SAAL1: variants seen among roughly 807,000 people sequenced by gnomAD.
SAAL1 encodes the protein serum amyloid A like 1.
In SAAL1, 42 loss-of-function variants were observed where a neutral mutation model predicts 59.8. That is an observed-to-expected ratio of 0.70 (90% CI 0.55 to 0.91). The LOEUF (loss-of-function observed/expected upper bound fraction) is 0.91, where lower values mean the gene tolerates loss of function less well. Ranked by LOEUF, SAAL1 falls within the 40% of genes least tolerant of loss-of-function variation. The pLI is 0.00. For missense variants in SAAL1, 542 were observed against 561.1 expected (o/e 0.97, Z 0.34); for synonymous variants, 191 against 194.3 (o/e 0.98, Z 0.14).
chr11:18,098,725 A>G (rs1188747941), intron 2 of SAAL1, among the ~76,000 whole-genome samples: 1 of 152,256 alleles, frequency 6.6e-6, no homozygotes, highest in African/African-American at 2.4e-5. Context: ...GATACACTCT[A>G]AACTGAAAGT....
At chr11:18,094,915 G>A (rs1010064540) in intron 3 of SAAL1, among the ~76,000 whole-genome samples, 1 of 152,110 alleles carries the variant, frequency 6.6e-6, no homozygotes, top group Non-Finnish European at 1.5e-5. Flanking sequence ...AATCACCTGG[G>A]GAACTTTAAA....
intron 9 of SAAL1, among the ~76,000 whole-genome samples, chr11:18,084,803 CT>C (rs1416834261): frequency 6.6e-6 from 1 of 152,096 alleles, no homozygotes; most frequent in East Asian, 1.9e-4. Flanking sequence ...TATTGCTCTG[CT>C]GCCCAGGCTG....
chr11:18,084,142 G>C (rs1848438102), intron 9 of SAAL1, among the ~76,000 whole-genome samples: 1 of 152,182 alleles, frequency 6.6e-6, no homozygotes. Context: ...TTCGAGACCA[G>C]CCTGAGCAAT....
chr11:18,088,882 G>T (rs984110483), intron 7 of SAAL1, among the ~76,000 whole-genome samples: 2 of 152,176 alleles, frequency 1.3e-5, no homozygotes, highest in African/African-American at 4.8e-5. Context: ...CTAGTGATTA[G>T]CAATAAACAG....
chr11:18,105,236 C>G (rs1229832713), intron 1 of SAAL1, among the ~76,000 whole-genome samples: 8 of 151,760 alleles, frequency 5.3e-5, no homozygotes, highest in Admixed American at 4.6e-4. Context: ...GAAGCTGGAT[C>G]ATAGCTCACT....
In SAAL1 at chr11:18,106,048, G is replaced by C. The variant is rs201408693; in HGVS notation, c.-7C>G. On this transcript the variant is annotated 5_prime_UTR_variant, in exon 1 of 12. Transcript: ENST00000524803. The stretch of plus-strand genomic sequence containing the variant: ...GCGAGGGGTTGCGGTCCATGACTTT[G>C]TCGCGTCCCGCGCTTGAAGGCCGTG... 3 of 1,597,616 alleles carry C rather than the reference G, an allele frequency of 1.9e-6. No individual in the cohort carries two copies. Among genetic ancestry groups the C allele is most frequent in the Admixed American group, 1.7e-5 (1 of 58,864 alleles).
At chr11:18,083,776 G>T in intron 9 of SAAL1, 45 bp from the exon 10 acceptor site, 1 of 1,347,516 alleles carries the variant, frequency 7.4e-7, no homozygotes, top group Non-Finnish European at 1.0e-6. Context: ...AGTTAAGTTT[G>T]GTTTTTCATT....
chr11:18,096,775 A>C lies in SAAL1; in HGVS notation c.329T>G (p.Leu110Ter). The C allele has an allele frequency of 6.6e-7, 1 of 1,504,024 alleles. No individual in the cohort carries two copies. The highest frequency in any genetic ancestry group is 9.3e-7 in the Non-Finnish European group (1 of 1,081,008). The allele number at this position is 1,504,024 out of a possible 1,614,324, so 93.2% of individuals were successfully genotyped here. ...TTTAGAAATGTACATACTTACTCTT[A>C]ATCGAGGACACTTGGACTTGGCCAG... The part of the protein sequence containing the change: ...GVLAKSKCPR[L>*]REICVGILGN... The change falls in exon 3 of 12, where the codon TTA becomes TGA. Residue 110 changes from leucine to a stop codon, truncating the protein, a stop_gained. Transcript: ENST00000524803. LOFTEE classifies it high-confidence loss of function.
At chr11:18,087,606 G>A (rs113471758) in intron 7 of SAAL1, among the ~76,000 whole-genome samples, 179 of 152,264 alleles carry the variant, frequency 1.2e-3, no homozygotes, top group African/African-American at 3.9e-3. Flanking sequence ...GCTGCATCAC[G>A]CATCAACAAT....
intron 3 of SAAL1, 136 bp downstream of exon 3, chr11:18,096,635 G>A (rs1848579654): frequency 6.3e-6 from 4 of 633,332 alleles, no homozygotes; most frequent in African/African-American, 1.9e-5. Flanking sequence ...ACCTGGCAAT[G>A]TTCAATTAAC....
At chr11:18,093,797 AGAG>A (rs1196559204) in intron 3 of SAAL1, 2 of 152,238 alleles carry the variant, frequency 1.3e-5, no homozygotes, top group Admixed American at 6.5e-5. Flanking sequence ...TCAAGATGCA[AGAG>A]GAGGAGGGCC....
intron 3 of SAAL1, among the ~76,000 whole-genome samples, chr11:18,093,531 G>C (rs1848543534): frequency 6.6e-6 from 1 of 152,136 alleles, no homozygotes; most frequent in Non-Finnish European, 1.5e-5. Context: ...ATCTATCTCA[G>C]TAATAGTTAA....
intron 1 of SAAL1, 65 bp from the exon 2 acceptor site, chr11:18,103,411 A>C: frequency 3.5e-6 from 4 of 1,127,954 alleles, no homozygotes; most frequent in Non-Finnish European, 5.4e-6. Flanking sequence ...AGGTACCCAA[A>C]TACAGCAGGT....
Position 18,086,852 on chromosome 11 carries a change from G to A in SAAL1, c.1042+14C>T, listed in dbSNP as rs753559023. The stretch of plus-strand genomic sequence containing the variant: ...GAAATGAAAAACAGTATGAGCCTGG[G>A]AAACTGTACTTGCCTTTTTCTATCT... On this transcript the variant is annotated intron_variant, in intron 9 of 11. Coordinates refer to ENST00000524803, the MANE Select transcript of SAAL1 (RefSeq NM_138421.3). 1.9e-5 allele frequency: 29 copies of A among 1,502,424 alleles called. No homozygotes were observed. Among genetic ancestry groups the A allele is most frequent in the Admixed American group, 1.0e-4 (5 of 48,612 alleles). 93.1% of individuals were successfully genotyped at this position (1,502,424 alleles called of 1,614,324 possible).
intron 2 of SAAL1, among the ~76,000 whole-genome samples, chr11:18,098,252 T>C (rs991305200): frequency 2.0e-5 from 3 of 152,072 alleles, no homozygotes; most frequent in Non-Finnish European, 4.4e-5. Flanking sequence ...ATTTGTGTTT[T>C]CAAAATCATC....
intron 7 of SAAL1, among the ~76,000 whole-genome samples, chr11:18,088,378 T>G (rs531842894): frequency 3.9e-5 from 6 of 152,320 alleles, no homozygotes; most frequent in African/African-American, 1.4e-4. Context: ...CAAGCTGTGT[T>G]TGTTTGTTTG....
At chr11:18,081,015 GAGTCTAAATGTGC>G (rs1848404296) in intron 11 of SAAL1, among the ~76,000 whole-genome samples, 1 of 152,026 alleles carries the variant, frequency 6.6e-6, no homozygotes, top group African/African-American at 2.4e-5. Flanking sequence ...AGACTCAGGG[GAGTCTAAATGTGC>G]AGGTTTGTTA....
intron 3 of SAAL1, among the ~76,000 whole-genome samples, chr11:18,096,088 A>G (rs1848572764): frequency 6.6e-6 from 1 of 152,164 alleles, no homozygotes. Flanking sequence ...GGATTTTGTC[A>G]GTAAAAAAGA....
At chr11:18,083,295 A>G in intron 10 of SAAL1, 1 of 289,356 alleles carries the variant, frequency 3.5e-6, no homozygotes, top group Non-Finnish European at 6.4e-6. Context: ...GTTAAAGTAT[A>G]TGAAAAATGC....
Sources: gnomAD v4.1 joint callset for allele counts (sites outside exome capture counted in the v4.1 genomes callset) on GRCh38, gnomAD v4.1.1 for gene constraint, MANE v1.5 for transcripts, NCBI Gene and HGNC (gene_info 2026-07-23, HGNC 2026-07-21) for gene names.